AMOTL1: variants seen among roughly 807,000 people sequenced by gnomAD.
AMOTL1 encodes angiomotin-like protein 1.
Under a neutral mutation model 102.9 loss-of-function variants are expected in AMOTL1, and 45 were observed. The ratio of observed to expected loss-of-function variants is 0.44; its 90% CI spans 0.34 to 0.56. The LOEUF (loss-of-function observed/expected upper bound fraction) is 0.56. Ranked by LOEUF, AMOTL1 falls within the 20% of genes least tolerant of loss-of-function variation. The pLI is 0.01. For missense variants in AMOTL1, 1,114 were observed against 1,225.6 expected, an observed-to-expected ratio of 0.91 and a Z score of 1.36; for synonymous variants, 481 against 484.7, an observed-to-expected ratio of 0.99 and a Z score of 0.10.
chr11:94,755,821 CTTTCAG>C (rs936982815), intron 3 of AMOTL1, among the ~76,000 whole-genome samples: 54 of 152,264 alleles, frequency 3.5e-4, no homozygotes, highest in Non-Finnish European at 5.9e-4. Flanking sequence ...ACAGTGTGCT[CTTTCAG>C]TTTTGCTGTC....
At chr11:94,753,351 A>C (rs1591931236) in intron 3 of AMOTL1, among the ~76,000 whole-genome samples, 2 of 124,260 alleles carry the variant, frequency 1.6e-5, no homozygotes, top group African/African-American at 3.1e-5. Flanking sequence ...TTGCCTTGTC[A>C]CTCTCAAGTA....
chr11:94,729,957 T>C (rs927277174), intron 2 of AMOTL1, among the ~76,000 whole-genome samples: 1 of 152,158 alleles, frequency 6.6e-6, no homozygotes, highest in Admixed American at 6.5e-5. Context: ...CCTTCTGCAC[T>C]ACACCAGGGT....
intron 9 of AMOTL1, among the ~76,000 whole-genome samples, chr11:94,863,257 T>C (rs1426516259): frequency 1.3e-5 from 2 of 151,544 alleles, no homozygotes; most frequent in African/African-American, 2.4e-5. Context: ...GGGCCTCTAT[T>C]TTTCTGTTTT....
intron 2 of AMOTL1, among the ~76,000 whole-genome samples, chr11:94,797,737 A>G (rs1441055874): frequency 6.6e-6 from 1 of 152,220 alleles, no homozygotes; most frequent in Non-Finnish European, 1.5e-5. Context: ...GAGGCTGGAG[A>G]GAGCTAGCAT....
At chr11:94,802,325 T>C (rs1951493762) in intron 3 of AMOTL1, among the ~76,000 whole-genome samples, 1 of 152,196 alleles carries the variant, frequency 6.6e-6, no homozygotes, top group Non-Finnish European at 1.5e-5. Flanking sequence ...GTTTGGCTTA[T>C]TATATTTCAC....
chr11:94,779,676 T>C (rs1951079243), intron 1 of AMOTL1, among the ~76,000 whole-genome samples: 1 of 152,142 alleles, frequency 6.6e-6, no homozygotes, highest in Non-Finnish European at 1.5e-5. Context: ...ACCCACAGAA[T>C]AGGACAGAAT....
In AMOTL1 at chr11:94,875,937, A is replaced by T. The variant is rs1953087563; in HGVS notation, c.*5142A>T. 1 of 152,648 alleles carries T rather than the reference A, an allele frequency of 6.6e-6. No homozygotes were observed. Among genetic ancestry groups the T allele is most frequent in the African/African-American group, 2.4e-5 (1 of 41,452 alleles). The allele number at this position is 152,648 out of a possible 1,614,324, so 9.5% of individuals were successfully genotyped here. ...ATAAACATCTGGTAGGTATTCTGTA[A>T]AACTGTGTTTACTTTAGTGCATGTT... On this transcript the variant is annotated 3_prime_UTR_variant, in exon 13 of 13. Transcript: ENST00000433060.
At chr11:94,767,354 A>C (rs1029209111), upstream of AMOTL1, among the ~76,000 whole-genome samples, 3 of 152,212 alleles carry the variant, frequency 2.0e-5, no homozygotes, top group African/African-American at 7.2e-5. Context: ...AATCAGAATC[A>C]GGACATGCAA....
chr11:94,710,955 G>T lies in AMOTL1; in HGVS notation c.-51+4358G>T, dbSNP rs147840200. ...ACTATTTATTACTATTTTTAAAGTT[G>T]TGTTTAAGGAGAAACTGAAGTTAGA... On this transcript the variant is annotated intron_variant, in intron 1 of 4. Transcript: ENST00000299004. Among the ~76,000 whole-genome samples, 441 of 152,212 alleles carry T rather than the reference G, an allele frequency of 2.9e-3. 3 individuals carry two copies. Among genetic ancestry groups the T allele is most frequent in the African/African-American group, 9.7e-3 (404 of 41,530 alleles).
intron 2 of AMOTL1, among the ~76,000 whole-genome samples, chr11:94,729,341 T>C (rs770994438): frequency 3.9e-5 from 6 of 152,172 alleles, no homozygotes; most frequent in Non-Finnish European, 8.8e-5. Flanking sequence ...TCAGCTGTCA[T>C]GTAATGAGCT....
At chr11:94,756,924 A>G (rs921780644) in intron 3 of AMOTL1, among the ~76,000 whole-genome samples, 3 of 152,176 alleles carry the variant, frequency 2.0e-5, no homozygotes, top group African/African-American at 7.2e-5. Context: ...GTTTATATCA[A>G]TCAGTTAATT....
chr11:94,708,919 G>C (rs1228034181), intron 1 of AMOTL1, among the ~76,000 whole-genome samples: 3 of 152,058 alleles, frequency 2.0e-5, no homozygotes, highest in Non-Finnish European at 4.4e-5. Context: ...AAATACCTGC[G>C]GACAGAGTGT....
Position 94,869,202 on chromosome 11 carries a change from G to T in AMOTL1, c.2493G>T (p.Leu831Phe). ...AAATCTGTTCTCTGCCCTCAGGATT[G>T]CTGCTGGGGAAGGAGCACCATGAGC... is the stretch of plus-strand genomic sequence containing the variant. ...EEKTWKGSIG[L>F]LLGKEHHEHA... The change falls in exon 12 of 13, where the codon TTG becomes TTT. Residue 831 changes from leucine to phenylalanine, a missense_variant. Leu to Phe is a conservative substitution (Grantham distance 22, BLOSUM62 0). Coordinates refer to ENST00000433060, the MANE Select transcript of AMOTL1 (RefSeq NM_130847.3). 1 of 1,585,382 alleles carries T rather than the reference G, an allele frequency of 6.3e-7. No homozygotes were observed. Among genetic ancestry groups the T allele is most frequent in the Non-Finnish European group, 8.6e-7 (1 of 1,160,756 alleles).
upstream of AMOTL1, among the ~76,000 whole-genome samples, chr11:94,763,470 G>A (rs1006867983): frequency 5.9e-5 from 9 of 152,146 alleles, no homozygotes; most frequent in South Asian, 1.7e-3. Context: ...ACACACTAGA[G>A]TTGACCCTTG....
intron 11 of AMOTL1, 87 bp downstream of exon 11, chr11:94,866,255 G>C: frequency 7.6e-7 from 1 of 1,308,950 alleles, no homozygotes; most frequent in Non-Finnish European, 1.1e-6. Context: ...AAATGTCCCT[G>C]AATAGTTCCT....
At chr11:94,801,107 G>A (rs1272536213) in intron 3 of AMOTL1, among the ~76,000 whole-genome samples, 1 of 152,164 alleles carries the variant, frequency 6.6e-6, no homozygotes, top group Non-Finnish European at 1.5e-5. Flanking sequence ...GGATGCTAGG[G>A]TAACAGGTAG....
At chr11:94,851,541 C>G (rs553516452) in intron 7 of AMOTL1, among the ~76,000 whole-genome samples, 1 of 152,152 alleles carries the variant, frequency 6.6e-6, no homozygotes, top group Admixed American at 6.5e-5. Flanking sequence ...AGTTCAGATA[C>G]TGAGAGCCTA....
intron 1 of AMOTL1, among the ~76,000 whole-genome samples, chr11:94,790,971 T>A (rs1236451068): frequency 6.6e-6 from 1 of 152,166 alleles, no homozygotes; most frequent in Non-Finnish European, 1.5e-5. Context: ...TTTTTTTCCC[T>A]TCAACAATGA....
intron 1 of AMOTL1, among the ~76,000 whole-genome samples, chr11:94,715,327 C>T (rs1950080460): frequency 6.6e-6 from 1 of 152,100 alleles, no homozygotes; most frequent in Non-Finnish European, 1.5e-5. Context: ...CCACCACTCC[C>T]AGCTAATGCT....
Sources: allele counts gnomAD v4.1 joint callset (sites outside exome capture counted in the v4.1 genomes callset), GRCh38; gene constraint gnomAD v4.1.1; transcripts MANE v1.5; gene names NCBI Gene and HGNC (gene_info 2026-07-23, HGNC 2026-07-21).